The following SLC39A10 variants were observed in gnomAD, a reference collection of about 807,000 sequenced individuals.
SLC39A10 encodes the protein zinc transporter ZIP10.
Under a neutral mutation model 65.1 loss-of-function variants are expected in SLC39A10, and 13 were observed. That is an observed-to-expected ratio of 0.20 (90% CI 0.13 to 0.32). The LOEUF is 0.32. Ranked by LOEUF, SLC39A10 falls within the 10% of genes least tolerant of loss-of-function variation. The pLI is 1.00. For synonymous variants in SLC39A10, 321 were observed against 342.2 expected (o/e 0.94, Z 0.68); for missense variants, 831 against 1,018.4 (o/e 0.82, Z 2.50).
intron 4 of SLC39A10, among the ~76,000 whole-genome samples, chr2:195,708,259 A>G (rs988643223): frequency 3.3e-5 from 5 of 152,190 alleles, no homozygotes; most frequent in African/African-American, 7.2e-5. Context: ...ATTAGATTAC[A>G]GGGAATCACA....
At chr2:195,718,179 C>A in intron 7 of SLC39A10, 73 bp from the exon 8 acceptor site, 2 of 1,215,256 alleles carry the variant, frequency 1.6e-6, no homozygotes, top group African/African-American at 1.5e-5. Context: ...AAAGAAACTG[C>A]ATCTGTCATT....
At chr2:195,671,564 G>A (rs1015681722) in intron 1 of SLC39A10, 2 of 152,156 alleles carry the variant, frequency 1.3e-5, no homozygotes, top group African/African-American at 4.8e-5. Flanking sequence ...GAATATTTTG[G>A]CTTGGGCAAA....
At chr2:195,709,364 T>A (rs538179811) in intron 5 of SLC39A10, among the ~76,000 whole-genome samples, 1 of 152,244 alleles carries the variant, frequency 6.6e-6, no homozygotes, top group African/African-American at 2.4e-5. Flanking sequence ...CCTAAGTGGG[T>A]AGGACCATAG....
rs745919766 is a variant in SLC39A10 at position 195,728,391 on chromosome 2, T to A, written c.2337+42T>A. 1 of 1,546,794 alleles carries A rather than the reference T, an allele frequency of 6.5e-7. No homozygotes were observed. Among genetic ancestry groups the A allele is most frequent in the Non-Finnish European group, 8.8e-7 (1 of 1,137,372 alleles). ...TTTTTTGTGGTACTAAACCTGCAAA[T>A]GAAAGAAATCCTTGGAAGTGGTTTG... On this transcript the variant is annotated intron_variant, in intron 9 of 9. Coordinates refer to ENST00000359634, the MANE Select transcript of SLC39A10 (RefSeq NM_020342.3). This position sits in a 1 kb window ranked among gnomAD's most constrained non-coding sequence, Gnocchi z 4.4.
At chr2:195,694,604 C>T (rs1690869344) in intron 3 of SLC39A10, among the ~76,000 whole-genome samples, 1 of 152,148 alleles carries the variant, frequency 6.6e-6, no homozygotes. Flanking sequence ...TGTGATCCAC[C>T]TTCAGGTCTG....
intron 3 of SLC39A10, among the ~76,000 whole-genome samples, chr2:195,698,311 T>A (rs1291376443): frequency 6.6e-6 from 1 of 152,136 alleles, no homozygotes; most frequent in Non-Finnish European, 1.5e-5. Context: ...TGGATGTTTT[T>A]AATTTTTTTC....
At chr2:195,717,247 A>G in intron 7 of SLC39A10, 3 of 407,982 alleles carry the variant, frequency 7.4e-6, no homozygotes, top group Non-Finnish European at 8.5e-6. Flanking sequence ...TGATTTCTCA[A>G]AGTAGAGTTA....
intron 1 of SLC39A10, chr2:195,670,299 A>C: frequency 6.6e-6 from 1 of 151,800 alleles, no homozygotes. Flanking sequence ...ACATGTATAC[A>C]TTGTGGAATG....
At chr2:195,696,147 G>C (rs961383616) in intron 3 of SLC39A10, among the ~76,000 whole-genome samples, 3 of 152,032 alleles carry the variant, frequency 2.0e-5, no homozygotes, top group African/African-American at 7.3e-5. Context: ...TGGTATGTCT[G>C]TTTTTATGCC....
chr2:195,696,474 T>G (rs1690965902), intron 3 of SLC39A10, among the ~76,000 whole-genome samples: 1 of 152,066 alleles, frequency 6.6e-6, no homozygotes, highest in South Asian at 2.1e-4. Context: ...GGACCAAAAA[T>G]ATTTGGGGAA....
rs1692333494 is a variant in SLC39A10 at position 195,728,867 on chromosome 2, A to G, written c.2337+518A>G. 6.6e-6 allele frequency among the ~76,000 whole-genome samples: 1 copy of G among 151,826 alleles called. No individual in the cohort carries two copies. Among genetic ancestry groups the G allele is most frequent in the African/African-American group, 2.4e-5 (1 of 41,312 alleles). On this transcript the variant is annotated intron_variant, in intron 9 of 9. Coordinates refer to ENST00000359634, the MANE Select transcript of SLC39A10 (RefSeq NM_020342.3). The surrounding 1 kb of genome is among the most constrained non-coding windows in gnomAD (Gnocchi z 4.4). ...ATACCCCAAATATGTTAGACAGTGT[A>G]TTTACAGAACTAGCAATTAGGTTTT...
At chr2:195,688,894 G>A (rs1415935783) in intron 3 of SLC39A10, among the ~76,000 whole-genome samples, 1 of 152,170 alleles carries the variant, frequency 6.6e-6, no homozygotes, top group Non-Finnish European at 1.5e-5. Context: ...TTGCCTGTCT[G>A]CCTCTATCCT....
intron 1 of SLC39A10, among the ~76,000 whole-genome samples, chr2:195,662,277 T>C (rs1689436700): frequency 6.6e-6 from 1 of 151,002 alleles, no homozygotes; most frequent in Non-Finnish European, 1.5e-5. Flanking sequence ...GTGTTCCCTT[T>C]TTTTTTTTTT....
chr2:195,657,696 G>T (rs1689210783), intron 1 of SLC39A10: 3 of 938,898 alleles, frequency 3.2e-6, no homozygotes, highest in Middle Eastern at 5.4e-4. Context: ...CGCCGGCCGC[G>T]GATGGCGTCG....
rs1302530041 is a variant in SLC39A10 at position 195,735,217 on chromosome 2, AG to A, written c.*180del. On this transcript the variant is annotated 3_prime_UTR_variant, in exon 10 of 10. Coordinates refer to ENST00000359634, the MANE Select transcript of SLC39A10 (RefSeq NM_020342.3). ...GCTTAGTACTGTTTTCCCTGCACGTAGGGGTCTTTTAAAAATATAAAGCTTG... is the reference window on the plus strand; with the variant it reads ...GCTTAGTACTGTTTTCCCTGCACGTAGGGTCTTTTAAAAATATAAAGCTTG... 2.1e-6 allele frequency: 1 copy of A among 486,852 alleles called. No individual in the cohort carries two copies. Among genetic ancestry groups the A allele is most frequent in the Non-Finnish European group, 3.4e-6 (1 of 290,416 alleles). The allele number at this position is 486,852 out of a possible 1,614,324, so 30.2% of individuals were successfully genotyped here.
chr2:195,732,771 C>G (rs1471929118), intron 9 of SLC39A10, among the ~76,000 whole-genome samples: 1 of 152,192 alleles, frequency 6.6e-6, no homozygotes, highest in Non-Finnish European at 1.5e-5. Context: ...CATATGGTTT[C>G]TGTCACAGTT....
At chr2:195,655,997 G>T (rs1689136687), upstream of SLC39A10, among the ~76,000 whole-genome samples, 1 of 152,132 alleles carries the variant, frequency 6.6e-6, no homozygotes, top group African/African-American at 2.4e-5. Flanking sequence ...GTGATACCAG[G>T]CAAGTTAAAG....
intron 1 of SLC39A10, chr2:195,657,530 T>G: frequency 1.0e-6 from 1 of 985,440 alleles, no homozygotes; most frequent in Non-Finnish European, 1.2e-6. Flanking sequence ...CGGTCTGGGC[T>G]GCTGCGGGCC....
At chr2:195,719,239 C>T (rs1691928191) in intron 8 of SLC39A10, among the ~76,000 whole-genome samples, 1 of 151,722 alleles carries the variant, frequency 6.6e-6, no homozygotes, top group South Asian at 2.1e-4. Context: ...TTCCTCCTCG[C>T]TTTGATTCGC....
Sources: gnomAD v4.1 joint callset for allele counts (sites outside exome capture counted in the v4.1 genomes callset) on GRCh38, gnomAD v4.1.1 for gene constraint, Gnocchi (gnomAD v3.1) non-coding constraint, MANE v1.5 for transcripts, NCBI Gene and HGNC (gene_info 2026-07-23, HGNC 2026-07-21) for gene names.